Variants in TCF4 observed in about 807,000 individuals in gnomAD.
TCF4 encodes the protein transcription factor 4, also known as SL3-3 enhancer factor 2.
TCF4 carries 3 observed loss-of-function variants against 82.1 expected under a neutral mutation model. The ratio of observed to expected loss-of-function variants is 0.04; its 90% CI spans 0.02 to 0.09. TCF4 has a LOEUF of 0.09. Ranked by LOEUF, TCF4 falls within the 10% of genes least tolerant of loss-of-function variation. The pLI is 1.00. For synonymous variants in TCF4, 276 were observed against 309.6 expected (o/e 0.89, Z 1.14); for missense variants, 518 against 852.7 (o/e 0.61, Z 4.89).
intron 8 of TCF4, among the ~76,000 whole-genome samples, chr18:55,309,213 A>G (rs372331213): frequency 1.3e-5 from 2 of 151,980 alleles, no homozygotes; most frequent in Non-Finnish European, 2.9e-5. Flanking sequence ...CCTGGGCTCA[A>G]TGATCCTCCT....
At chr18:55,467,426 A>C (rs1312756104) in intron 3 of TCF4, among the ~76,000 whole-genome samples, 1 of 151,926 alleles carries the variant, frequency 6.6e-6, no homozygotes, top group Non-Finnish European at 1.5e-5. Context: ...TCTCATATCT[A>C]CTCAGTCTGA....
chr18:55,487,112 C>T (rs1436326419), intron 3 of TCF4, among the ~76,000 whole-genome samples: 1 of 152,152 alleles, frequency 6.6e-6, no homozygotes, highest in Non-Finnish European at 1.5e-5. Flanking sequence ...ACTTTCTTCT[C>T]ATGTTACTTT....
chr18:55,394,269 G>GA (rs2093354545), intron 6 of TCF4, among the ~76,000 whole-genome samples: 1 of 152,146 alleles, frequency 6.6e-6, no homozygotes, highest in Non-Finnish European at 1.5e-5. Context: ...AACACACAGA[G>GA]ACCCCCCCAT....
chr18:55,250,106 C>T (rs2145317056), intron 15 of TCF4, among the ~76,000 whole-genome samples: 1 of 152,290 alleles, frequency 6.6e-6, no homozygotes. Context: ...TATTCTCCCA[C>T]ATTCAGAGAT....
intron 8 of TCF4, among the ~76,000 whole-genome samples, chr18:55,326,570 C>G (rs759714205): frequency 1.3e-5 from 2 of 151,982 alleles, no homozygotes; most frequent in Non-Finnish European, 2.9e-5. Context: ...ACACGACTGG[C>G]CTGAGAATTA....
intron 6 of TCF4, among the ~76,000 whole-genome samples, chr18:55,385,464 C>T (rs1362873893): frequency 1.3e-5 from 2 of 152,194 alleles, no homozygotes; most frequent in East Asian, 1.9e-4. Context: ...GTGCAATGCA[C>T]GATCTTGGCT....
At chr18:55,307,271 A>G (rs2147117342) in intron 8 of TCF4, among the ~76,000 whole-genome samples, 1 of 152,352 alleles carries the variant, frequency 6.6e-6, no homozygotes, top group Admixed American at 6.5e-5. Flanking sequence ...ACCTTAACTC[A>G]GAGGTAAATG....
intron 5 of TCF4, chr18:55,403,994 T>C: frequency 1.0e-6 from 1 of 982,174 alleles, no homozygotes; most frequent in Non-Finnish European, 1.3e-6. Context: ...AAATTCTGAG[T>C]CTCTCTCTCT....
intron 8 of TCF4, among the ~76,000 whole-genome samples, chr18:55,309,190 G>A (rs2071394426): frequency 1.3e-5 from 2 of 151,986 alleles, no homozygotes; most frequent in Non-Finnish European, 2.9e-5. Context: ...ACAGCTTGCT[G>A]CAGCCTCAGC....
chr18:55,223,918 T>G lies in TCF4; in HGVS notation c.*4117A>C, dbSNP rs1158723304. ...TAAATAGTAAAATAAAGTAACAAAC[T>G]TTTACTCATAATGATTCCAAAAATC... is the stretch of plus-strand genomic sequence containing the variant. On this transcript the variant is annotated 3_prime_UTR_variant, in exon 20 of 20. Coordinates refer to ENST00000354452, the MANE Select transcript of TCF4 (RefSeq NM_001083962.2). The G allele has an allele frequency of 6.6e-6, 1 of 152,184 alleles. No homozygotes were observed. The highest frequency in any genetic ancestry group is 6.6e-5 in the Admixed American group (1 of 15,254). 9.4% of individuals were successfully genotyped at this position (152,184 alleles called of 1,614,324 possible).
intron 8 of TCF4, among the ~76,000 whole-genome samples, chr18:55,324,261 T>G (rs1211099223): frequency 6.6e-6 from 1 of 152,204 alleles, no homozygotes; most frequent in Non-Finnish European, 1.5e-5. Context: ...CTTTGAAAGG[T>G]GATCTACGAA....
In TCF4 at chr18:55,222,245, A is replaced by C. The variant is rs1344312590; in HGVS notation, c.*5790T>G. 6.6e-6 allele frequency: 1 copy of C among 152,234 alleles called. No homozygotes were observed. Among genetic ancestry groups the C allele is most frequent in the African/African-American group, 2.4e-5 (1 of 41,448 alleles). The allele number at this position is 152,234 out of a possible 1,614,324, so 9.4% of individuals were successfully genotyped here. On this transcript the variant is annotated 3_prime_UTR_variant, in exon 20 of 20. Coordinates refer to ENST00000354452, the MANE Select transcript of TCF4 (RefSeq NM_001083962.2). ...AGAGAACAATGTTAATAGACACTACACAAGATACTGTAGGGGTGCACAGGC... is the reference window on the plus strand; with the variant it reads ...AGAGAACAATGTTAATAGACACTACCCAAGATACTGTAGGGGTGCACAGGC...
At chr18:55,596,738 A>G (rs957217558) in intron 2 of TCF4, among the ~76,000 whole-genome samples, 2 of 152,226 alleles carry the variant, frequency 1.3e-5, no homozygotes, top group African/African-American at 4.8e-5. Flanking sequence ...GGAAAATACT[A>G]ACTTGCATCA....
intron 2 of TCF4, among the ~76,000 whole-genome samples, chr18:55,600,357 A>G (rs2097695525): frequency 6.6e-6 from 1 of 152,234 alleles, no homozygotes; most frequent in African/African-American, 2.4e-5. Flanking sequence ...TGAGATGAAC[A>G]TATTGCTTCT....
intron 2 of TCF4, among the ~76,000 whole-genome samples, chr18:55,616,258 T>TA (rs375017353): frequency 8.5e-4 from 130 of 152,242 alleles, no homozygotes; most frequent in African/African-American, 3.1e-3. Flanking sequence ...CTTATTTCAC[T>TA]AGCATAATGT....
chr18:55,409,674 C>G (rs2094258475), intron 5 of TCF4, among the ~76,000 whole-genome samples: 1 of 152,118 alleles, frequency 6.6e-6, no homozygotes, highest in African/African-American at 2.4e-5. Context: ...AGTTTTCTAT[C>G]AGATAAATGA....
chr18:55,274,206 A>G (rs984311958), intron 10 of TCF4, among the ~76,000 whole-genome samples: 1 of 152,184 alleles, frequency 6.6e-6, no homozygotes, highest in Non-Finnish European at 1.5e-5. Flanking sequence ...GATATAGTTG[A>G]TATTTCTCTA....
chr18:55,293,931 CTTTTTTTTTTTTTT>C lies in TCF4; in HGVS notation c.550-14289_550-14276del, dbSNP rs781150808. ...TTTCATCTTCTAAACTTTCCAAGGA[CTTTTTTTTTTTTTT>C]TTTTTTTTTTTTTTTTTTAGAATTC... is the stretch of plus-strand genomic sequence containing the variant. On this transcript the variant is annotated intron_variant, in intron 8 of 19. Transcript: ENST00000354452. Among the ~76,000 whole-genome samples, 40 of 40,056 alleles carry C rather than the reference CTTTTTTTTTTTTTT, an allele frequency of 1.0e-3. No individual in the cohort carries two copies. The South Asian group carries it at 0.014, about 14-fold the overall frequency. The allele number at this position is 40,056 out of a possible 152,430, so 26.3% of individuals were successfully genotyped here.
intron 6 of TCF4, chr18:55,351,754 TATATA>T: frequency 4.6e-6 from 3 of 649,214 alleles, no homozygotes; most frequent in Non-Finnish European, 5.7e-6. Flanking sequence ...TCAGAAAGAT[TATATA>T]ATATTACATT....
Sources: allele counts gnomAD v4.1 joint callset (sites outside exome capture counted in the v4.1 genomes callset), GRCh38; gene constraint gnomAD v4.1.1; transcripts MANE v1.5; gene names NCBI Gene and HGNC (gene_info 2026-07-23, HGNC 2026-07-21).